MGST1: variants seen among roughly 807,000 people sequenced by gnomAD.
The protein encoded by MGST1 is microsomal glutathione S-transferase 1.
Under a neutral mutation model 8.9 loss-of-function variants are expected in MGST1, and 5 were observed. That is an observed-to-expected ratio of 0.56 (90% confidence interval 0.29 to 1.19). The LOEUF (loss-of-function observed/expected upper bound fraction) is 1.19. Among genes scored for constraint, MGST1 ranks in the 50% most tolerant of loss-of-function variants. MGST1 has a pLI of 0.08. For missense variants in MGST1, 182 were observed against 187.4 expected (o/e 0.97, Z 0.17); for synonymous variants, 54 against 67.8 (o/e 0.80, Z 1.00).
intron 4 of MGST1, among the ~76,000 whole-genome samples, chr12:16,541,062 G>T (rs1329727348): frequency 6.6e-6 from 1 of 152,100 alleles, no homozygotes. Context: ...GAATGAAGTG[G>T]CAGACTGTTT....
chr12:16,442,519 A>AT, downstream of MGST1, among the ~76,000 whole-genome samples: 3 of 151,676 alleles, frequency 2.0e-5, 1 homozygote, highest in South Asian at 6.2e-4. This position sits in a 1 kb window ranked among gnomAD's most constrained non-coding sequence, Gnocchi z 4.5. Flanking sequence ...GTTTTTATTT[A>AT]TTTTTTGCAT....
intron 4 of MGST1, among the ~76,000 whole-genome samples, chr12:16,483,446 C>A (rs1224012614): frequency 6.6e-6 from 1 of 151,944 alleles, no homozygotes; most frequent in Non-Finnish European, 1.5e-5. Flanking sequence ...CTCGTTTAAT[C>A]CAATGGCAAA....
At position 16,401,767 on chromosome 12, in the gene MGST1, C is replaced by T; in HGVS notation, n.778+18163C>T. 3 of 1,600,510 alleles carry T rather than the reference C, an allele frequency of 1.9e-6. No individual in the cohort carries two copies. The highest frequency in any genetic ancestry group is 2.6e-6 in the Non-Finnish European group (3 of 1,167,622). On this transcript the variant is annotated intron_variant and non_coding_transcript_variant, in intron 1 of 1. Coordinates refer to the MGST1 transcript ENST00000359720. This position sits in a 1 kb window ranked among gnomAD's most constrained non-coding sequence, Gnocchi z 4.3. ...TCTTCAACGGCCTTTTCCACAGACTCAGCCAGTTTGCTGTGTCAAACTTTC... is the reference window on the plus strand; with the variant it reads ...TCTTCAACGGCCTTTTCCACAGACTTAGCCAGTTTGCTGTGTCAAACTTTC...
At chr12:16,409,470 T>A (rs947655764) in intron 1 of MGST1, among the ~76,000 whole-genome samples, 1 of 152,130 alleles carries the variant, frequency 6.6e-6, no homozygotes, top group African/African-American at 2.4e-5. Flanking sequence ...GCAGTGGGAT[T>A]GTACCATAGG....
At chr12:16,508,401 C>T (rs920916938) in intron 4 of MGST1, among the ~76,000 whole-genome samples, 4 of 152,132 alleles carry the variant, frequency 2.6e-5, no homozygotes, top group Non-Finnish European at 4.4e-5. Flanking sequence ...AACTGAATAG[C>T]GATGGTCTCT....
At chr12:16,480,849 C>T (rs61915304) in intron 4 of MGST1, among the ~76,000 whole-genome samples, 5 of 152,082 alleles carry the variant, frequency 3.3e-5, no homozygotes, top group Non-Finnish European at 7.4e-5. Context: ...GGCAGGAGGA[C>T]CATTTGAGGC....
chr12:16,488,777 T>C (rs1319866295), intron 4 of MGST1, among the ~76,000 whole-genome samples: 1 of 152,050 alleles, frequency 6.6e-6, no homozygotes, highest in African/African-American at 2.4e-5. Flanking sequence ...TGAGTGTGCA[T>C]TTTTTTAATC....
chr12:16,368,456 C>T (rs958474832), downstream of MGST1, among the ~76,000 whole-genome samples: 4 of 152,200 alleles, frequency 2.6e-5, no homozygotes, highest in Non-Finnish European at 5.9e-5. Context: ...CTATGATCAT[C>T]TCCCCGCTGC....
At chr12:16,402,350 C>T (rs1431393890) in intron 1 of MGST1, 2 of 1,602,166 alleles carry the variant, frequency 1.2e-6, no homozygotes, top group Admixed American at 3.3e-5. Context: ...CTCATCTTCT[C>T]CTTTCTGCCA....
Position 16,361,919 on chromosome 12 carries a change from C to T in MGST1, c.222-1876C>T, listed in dbSNP as rs751797915. Among the ~76,000 whole-genome samples the T allele has an allele frequency of 4.6e-5, 7 of 152,138 alleles. No individual in the cohort carries two copies. Among genetic ancestry groups the T allele is most frequent in the Non-Finnish European group, 8.8e-5 (6 of 68,018 alleles). On this transcript the variant is annotated intron_variant, in intron 3 of 3. Coordinates refer to ENST00000396210, the MANE Select transcript of MGST1 (RefSeq NM_020300.5). This position sits in a 1 kb window ranked among gnomAD's most constrained non-coding sequence, Gnocchi z 4.2. Reference sequence around the variant, plus strand: ...GCCCCTTGACCTTCCTTCCCTCTACCCTCATGGTCCTCTTACTGTCCTTGA... The same window carrying T: ...GCCCCTTGACCTTCCTTCCCTCTACTCTCATGGTCCTCTTACTGTCCTTGA...
rs2137283786 is a variant in MGST1, at chr12:16,555,791, G to A, written n.483-33737G>A. On this transcript the variant is annotated intron_variant and non_coding_transcript_variant, in intron 4 of 4. Transcript: ENST00000538857. The surrounding 1 kb of genome is among the most constrained non-coding windows in gnomAD (Gnocchi z 5.5). ...CATGCCTTTGCACGTTGCTCAATTT[G>A]CCTGAAAATTCCTTTCCTCACTGCT... is the stretch of plus-strand genomic sequence containing the variant. Among the ~76,000 whole-genome samples the A allele has an allele frequency of 6.6e-6, 1 of 151,956 alleles. No homozygotes were observed. Among genetic ancestry groups the A allele is most frequent in the South Asian group, 2.1e-4 (1 of 4,782 alleles).
intron 4 of MGST1, among the ~76,000 whole-genome samples, chr12:16,574,746 C>T (rs1011302267): frequency 6.6e-6 from 1 of 152,172 alleles, no homozygotes; most frequent in Admixed American, 6.6e-5. Context: ...AAAAGAAAGT[C>T]TTCTATAAAT....
At position 16,551,631 on chromosome 12, in the gene MGST1, T is replaced by A. The variant is rs150324456; in HGVS notation, n.483-37897T>A. On this transcript the variant is annotated intron_variant and non_coding_transcript_variant, in intron 4 of 4. Transcript: ENST00000538857. ...TAAACCACACTGGAAAGAAAAAAAA[T>A]AAAAAGAACTGATCTGTATTTACAC... Among the ~76,000 whole-genome samples the A allele has an allele frequency of 5.2e-3, 759 of 145,174 alleles. 8 individuals are homozygous for A. Among genetic ancestry groups the A allele is most frequent in the African/African-American group, 0.019 (737 of 39,256 alleles).
intron 1 of MGST1, among the ~76,000 whole-genome samples, chr12:16,423,425 T>C (rs1405332716): frequency 6.6e-6 from 1 of 151,958 alleles, no homozygotes; most frequent in Non-Finnish European, 1.5e-5. Context: ...GTCCCTAACC[T>C]ATGTACAAAA....
At chr12:16,572,248 T>C (rs889468959) in intron 4 of MGST1, among the ~76,000 whole-genome samples, 2 of 151,634 alleles carry the variant, frequency 1.3e-5, no homozygotes, top group African/African-American at 4.8e-5. Context: ...CAGAAGGAAT[T>C]ACAATAAAAC....
chr12:16,515,601 G>T (rs111852846), intron 4 of MGST1, among the ~76,000 whole-genome samples: 14,504 of 142,938 alleles, frequency 0.1, 868 homozygotes, highest in Non-Finnish European at 0.14. Context: ...TTGCACTCCA[G>T]CCTGGGCAAC....
At chr12:16,562,281 C>T (rs981443976) in intron 4 of MGST1, among the ~76,000 whole-genome samples, 2 of 152,050 alleles carry the variant, frequency 1.3e-5, no homozygotes, top group East Asian at 3.8e-4. Flanking sequence ...TTACATGTGC[C>T]ATTGTTTCTT....
chr12:16,382,410 C>T (rs539946908), upstream of MGST1, among the ~76,000 whole-genome samples: 2 of 152,312 alleles, frequency 1.3e-5, no homozygotes, highest in East Asian at 3.9e-4. Flanking sequence ...CCACTCCAGA[C>T]CCTGTTTGCC....
chr12:16,371,945 C>G (rs1282018810), intron 3 of MGST1, among the ~76,000 whole-genome samples: 3 of 152,006 alleles, frequency 2.0e-5, no homozygotes, highest in Non-Finnish European at 4.4e-5. Context: ...AGAACAGTCT[C>G]TTCAATAAAT....
Sources: gnomAD v4.1 joint callset for allele counts (sites outside exome capture counted in the v4.1 genomes callset) on GRCh38, gnomAD v4.1.1 for gene constraint, Gnocchi (gnomAD v3.1) non-coding constraint, MANE v1.5 for transcripts, NCBI Gene and HGNC (gene_info 2026-07-23, HGNC 2026-07-21) for gene names.